Variants in GET1 observed in about 807,000 individuals in gnomAD.
GET1 encodes the protein congenital heart disease 5 protein.
A neutral mutation model predicts 22.6 loss-of-function variants in GET1; 20 were observed. The observed-to-expected ratio is 0.89, with a 90% CI of 0.62 to 1.29. The LOEUF (loss-of-function observed/expected upper bound fraction) is 1.29. Among genes scored for constraint, GET1 ranks in the 50% most tolerant of loss-of-function variants. GET1 has a pLI of 0.00. For synonymous variants in GET1, 92 were observed against 83.8 expected, an observed-to-expected ratio of 1.10 and a Z score of -0.53; for missense variants, 209 against 219.9, an observed-to-expected ratio of 0.95 and a Z score of 0.31.
chr21:39,417,805 G>A (rs1050624306), intron 1 of GET1, among the ~76,000 whole-genome samples: 13 of 151,610 alleles, frequency 8.6e-5, no homozygotes, highest in African/African-American at 1.2e-4. Context: ...TCGCTCTGTC[G>A]CCCAGGCTGG....
chr21:39,413,180 C>G (rs1305881252), intron 1 of GET1, among the ~76,000 whole-genome samples: 1 of 152,182 alleles, frequency 6.6e-6, no homozygotes, highest in African/African-American at 2.4e-5. Flanking sequence ...GTCAGGAGAA[C>G]CAGCTCTAGA....
chr21:39,417,633 A>C (rs1189750674), intron 1 of GET1, among the ~76,000 whole-genome samples: 1 of 152,214 alleles, frequency 6.6e-6, no homozygotes, highest in Admixed American at 6.5e-5. Context: ...ATGGACTCAC[A>C]GTTCCACATG....
rs149477071 is a variant in GET1, at chr21:39,423,474, T to C, written c.*24-4758T>C. On this transcript the variant is annotated intron_variant, in intron 1 of 1. Coordinates refer to the GET1 transcript ENST00000478273. ...CATTCCAGGTGTGCTTTTTTTCAAC[T>C]GATATTTCCTTCTGGCCTGTGTAAG... The C allele has an allele frequency of 3.2e-3, 4,929 of 1,563,696 alleles. 11 individuals are homozygous for C. Among genetic ancestry groups the C allele is most frequent in the Non-Finnish European group, 3.8e-3 (4,383 of 1,162,964 alleles).
chr21:39,405,797 C>A (rs767876735), intron 4 of GET1: 87 of 1,043,272 alleles, frequency 8.3e-5, no homozygotes, highest in Non-Finnish European at 1.1e-4. Context: ...ACATACACTC[C>A]CTCTCTCACA....
rs540862738 is a variant in GET1 at position 39,397,860 on chromosome 21, A to G, written c.*921A>G. 6.6e-6 allele frequency: 1 copy of G among 152,340 alleles called. No individual in the cohort carries two copies. The highest frequency in any genetic ancestry group is 2.1e-4 in the South Asian group (1 of 4,822). 9.4% of individuals were successfully genotyped at this position (152,340 alleles called of 1,614,324 possible). A position where few individuals can be genotyped will look rare whatever the true frequency, so the allele number is the denominator to read the frequency against. ...ACAAGTGGCTGTTAACTGAGTCACC[A>G]TATCCCAGTAAAGCTGAATTTTCTC... On this transcript the variant is annotated 3_prime_UTR_variant, in exon 5 of 5. Coordinates refer to ENST00000649170, the MANE Select transcript of GET1 (RefSeq NM_004627.6).
chr21:39,420,004 GT>G lies in GET1; in HGVS notation c.*24-8223del, dbSNP rs2042015611. The stretch of plus-strand genomic sequence containing the variant: ...CATTAAAATTTATCTTAAATATTAT[GT>G]TTTTAAACGTTAATTTTGAGTTACA... On this transcript the variant is annotated intron_variant, in intron 1 of 1. Transcript: ENST00000478273. Among the ~76,000 whole-genome samples, 15 of 152,138 alleles carry G rather than the reference GT, an allele frequency of 9.9e-5. No homozygotes were observed. In the South Asian group the frequency reaches 3.1e-3, roughly 32 times the overall value.
At chr21:39,409,768 T>C (rs1245987118), downstream of GET1, among the ~76,000 whole-genome samples, 5 of 152,044 alleles carry the variant, frequency 3.3e-5, no homozygotes, top group Non-Finnish European at 7.4e-5. The surrounding 1 kb of genome is among the most constrained non-coding windows in gnomAD (Gnocchi z 4.2). Flanking sequence ...AAGTTTTGTA[T>C]TTTTTAGTAG....
chr21:39,388,209 TA>T (rs553499707), intron 1 of GET1, among the ~76,000 whole-genome samples: 1 of 151,184 alleles, frequency 6.6e-6, no homozygotes. Flanking sequence ...CTACTAAAAC[TA>T]AAAAAAAATT....
downstream of GET1, chr21:39,409,983 A>G: frequency 6.7e-7 from 1 of 1,489,126 alleles, no homozygotes. The surrounding 1 kb of genome is among the most constrained non-coding windows in gnomAD (Gnocchi z 4.2). Flanking sequence ...AATTACCTTC[A>G]TATTTTCTCT....
downstream of GET1, among the ~76,000 whole-genome samples, chr21:39,398,851 C>T (rs1029207399): frequency 1.1e-4 from 17 of 150,756 alleles, no homozygotes; most frequent in Non-Finnish European, 2.4e-4. Flanking sequence ...CTGATCCACC[C>T]GCCTCGGCAT....
chr21:39,391,909 C>G, intron 3 of GET1, 73 bp downstream of exon 3: 1 of 1,485,534 alleles, frequency 6.7e-7, no homozygotes, highest in Non-Finnish European at 9.4e-7. Flanking sequence ...TCTGCAGATC[C>G]AGGGCTGGGA....
chr21:39,414,742 C>CTCTCTCTGTG (rs1341489035), intron 1 of GET1, among the ~76,000 whole-genome samples: 22 of 99,178 alleles, frequency 2.2e-4, no homozygotes, highest in African/African-American at 8.8e-4. Context: ...CTCTCTCTCT[C>CTCTCTCTGTG]TGTGTGTGTG....
downstream of GET1, chr21:39,410,416 A>G (rs778453856): frequency 2.1e-6 from 2 of 961,674 alleles, no homozygotes; most frequent in South Asian, 3.0e-5. Context: ...ACATTTGGAT[A>G]CAATATTGAT....
chr21:39,417,796 C>G (rs559178177), intron 1 of GET1, among the ~76,000 whole-genome samples: 2 of 151,906 alleles, frequency 1.3e-5, no homozygotes, highest in Non-Finnish European at 2.9e-5. Flanking sequence ...GATGGAGTCT[C>G]GCTCTGTCGC....
chr21:39,428,428 G>C lies in GET1; in HGVS notation c.*220G>C, dbSNP rs141063997. The C allele has an allele frequency of 3.7e-6, 6 of 1,611,532 alleles. No homozygotes were observed. The African/African-American group carries it at 6.7e-5, about 18-fold the overall frequency. ...TCTTGCATGCTGCAGACCTCCTATTGTTTTCTAATGCCACGCCGAAGAAAT... is the reference window on the plus strand; with the variant it reads ...TCTTGCATGCTGCAGACCTCCTATTCTTTTCTAATGCCACGCCGAAGAAAT... On this transcript the variant is annotated 3_prime_UTR_variant, in exon 2 of 2. Coordinates refer to the GET1 transcript ENST00000478273.
intron 1 of GET1, chr21:39,420,683 AC>A: frequency 1.3e-6 from 2 of 1,593,854 alleles, no homozygotes; most frequent in Non-Finnish European, 1.7e-6. Context: ...TTTCATTCTT[AC>A]ATTTTGTTTT....
At chr21:39,391,987 C>T (rs144238759) in intron 3 of GET1, 151 bp downstream of exon 3, 20 of 683,492 alleles carry the variant, frequency 2.9e-5, no homozygotes, top group Non-Finnish European at 4.3e-5. Flanking sequence ...TAAACACTCT[C>T]GGTCTCTAAG....
At chr21:39,384,037 G>A (rs1444608080) in intron 1 of GET1, among the ~76,000 whole-genome samples, 1 of 150,780 alleles carries the variant, frequency 6.6e-6, no homozygotes, top group South Asian at 2.1e-4. Context: ...CACCACCCCC[G>A]GCCTTTTTTT....
rs1046894100 is a variant in GET1, at chr21:39,397,622, T to G, written c.*683T>G. The G allele has an allele frequency of 6.6e-6, 1 of 152,294 alleles. No individual in the cohort carries two copies. The highest frequency in any genetic ancestry group is 1.5e-5 in the Non-Finnish European group (1 of 68,098). 9.4% of individuals were successfully genotyped at this position (152,294 alleles called of 1,614,324 possible). Reference sequence around the variant, plus strand: ...TAAAGCATTTTGAATGAAGTGTATTTTATAAGCATTTAATATTTATGCTCT... The same window carrying G: ...TAAAGCATTTTGAATGAAGTGTATTGTATAAGCATTTAATATTTATGCTCT... On this transcript the variant is annotated 3_prime_UTR_variant, in exon 5 of 5. Transcript: ENST00000649170.
Sources: allele counts gnomAD v4.1 joint callset (sites outside exome capture counted in the v4.1 genomes callset), GRCh38; gene constraint gnomAD v4.1.1; non-coding constraint Gnocchi (gnomAD v3.1); transcripts MANE v1.5; gene names NCBI Gene and HGNC (gene_info 2026-07-23, HGNC 2026-07-21).